The following ZNF407 variants were observed in gnomAD, a reference collection of about 807,000 sequenced individuals.
The protein encoded by ZNF407 is zinc finger protein 407.
ZNF407 carries 17 observed loss-of-function variants against 131.2 expected under a neutral mutation model. The observed-to-expected ratio is 0.13, with a 90% CI of 0.09 to 0.19. The LOEUF (loss-of-function observed/expected upper bound fraction) is 0.19, where lower values mean the gene tolerates loss of function less well. ZNF407 is among the 10% of genes least tolerant of loss of function. The pLI is 1.00. For synonymous variants in ZNF407, 1,156 were observed against 1,062.0 expected (o/e 1.09, Z -1.72); for missense variants, 2,681 against 2,830.6 (o/e 0.95, Z 1.20).
intron 8 of ZNF407, chr18:75,062,661 T>A (rs925472360): frequency 6.6e-6 from 1 of 152,502 alleles, no homozygotes; most frequent in Non-Finnish European, 1.5e-5. Flanking sequence ...AAATTTAATA[T>A]GCAAGGCTTT....
At chr18:74,811,826 A>G (rs1970200239) in intron 4 of ZNF407, among the ~76,000 whole-genome samples, 1 of 150,470 alleles carries the variant, frequency 6.6e-6, no homozygotes, top group South Asian at 2.1e-4. Flanking sequence ...CTGAACAATG[A>G]GAACACATGG....
At chr18:74,946,410 A>G (rs1337089086) in intron 8 of ZNF407, among the ~76,000 whole-genome samples, 1 of 152,176 alleles carries the variant, frequency 6.6e-6, no homozygotes, top group African/African-American at 2.4e-5. Flanking sequence ...GTGCTTTGAG[A>G]TACTCTGTTT....
At position 74,926,069 on chromosome 18, in the gene ZNF407, C is replaced by T. The variant is rs1395215899; in HGVS notation, c.5428+5377C>T. On this transcript the variant is annotated intron_variant, in intron 8 of 8. Transcript: ENST00000299687. Reference sequence around the variant, plus strand: ...AATTTGATTCTTTAACCTCAGACATCATCCTTGGGTTAATTTACTATTTTT... The same window carrying T: ...AATTTGATTCTTTAACCTCAGACATTATCCTTGGGTTAATTTACTATTTTT... Among the ~76,000 whole-genome samples the T allele has an allele frequency of 2.0e-5, 3 of 152,194 alleles. No homozygotes were observed. The East Asian group carries it at 5.8e-4, about 29-fold the overall frequency.
At chr18:74,709,150 A>G (rs966299767) in intron 3 of ZNF407, among the ~76,000 whole-genome samples, 2 of 152,244 alleles carry the variant, frequency 1.3e-5, no homozygotes, top group African/African-American at 4.8e-5. Flanking sequence ...TTCCAGTAAA[A>G]CAAATAAAAT....
intron 6 of ZNF407, among the ~76,000 whole-genome samples, chr18:74,886,321 A>C (rs1971308409): frequency 6.6e-6 from 1 of 152,198 alleles, no homozygotes; most frequent in Admixed American, 6.5e-5. Flanking sequence ...AAAATGCTCA[A>C]ACAACTTTGT....
intron 4 of ZNF407, among the ~76,000 whole-genome samples, chr18:74,865,538 A>G (rs938058516): frequency 1.3e-5 from 2 of 152,196 alleles, no homozygotes; most frequent in African/African-American, 4.8e-5. Flanking sequence ...GCACTTAATA[A>G]TATTATAAAG....
chr18:74,667,064 C>G (rs1985959057), intron 3 of ZNF407, among the ~76,000 whole-genome samples: 1 of 152,200 alleles, frequency 6.6e-6, no homozygotes, highest in South Asian at 2.1e-4. Context: ...CTTTGTCCAT[C>G]ACATCTTGTC....
intron 3 of ZNF407, among the ~76,000 whole-genome samples, chr18:74,732,531 G>A (rs1289079370): frequency 3.3e-5 from 5 of 152,174 alleles, no homozygotes; most frequent in Non-Finnish European, 5.9e-5. Flanking sequence ...AGTAAAGGAA[G>A]GGCATGGATG....
intron 8 of ZNF407, among the ~76,000 whole-genome samples, chr18:74,957,967 A>G (rs1486770841): frequency 2.0e-5 from 3 of 152,306 alleles, no homozygotes; most frequent in South Asian, 4.1e-4. Context: ...AGAGGGACAC[A>G]TGTTTTAAGA....
At chr18:74,836,784 TATC>T (rs1192661579) in intron 4 of ZNF407, among the ~76,000 whole-genome samples, 1 of 152,258 alleles carries the variant, frequency 6.6e-6, no homozygotes, top group African/African-American at 2.4e-5. Context: ...GTGAGTTAGA[TATC>T]ATTGTCATCA....
intron 4 of ZNF407, among the ~76,000 whole-genome samples, chr18:74,876,295 T>G (rs1971155116): frequency 6.6e-6 from 1 of 152,226 alleles, no homozygotes; most frequent in Non-Finnish European, 1.5e-5. Context: ...TTATTGAGTT[T>G]TACTTTGCTT....
Position 75,012,354 on chromosome 18 carries a change from T to C in ZNF407, c.5429-50796T>C, listed in dbSNP as rs555433508. The stretch of plus-strand genomic sequence containing the variant: ...TATGTACACATAGTGTATGTACACA[T>C]AGTGTATGTACACATAGTGTATGTA... On this transcript the variant is annotated intron_variant, in intron 8 of 8. Transcript: ENST00000299687. 4.3e-3 allele frequency among the ~76,000 whole-genome samples: 420 copies of C among 97,508 alleles called. 15 individuals carry two copies. The highest frequency in any genetic ancestry group is 0.014 in the African/African-American group (386 of 26,722). The allele number at this position is 97,508 out of a possible 152,430, so 64.0% of individuals were successfully genotyped here. A position where few individuals can be genotyped will look rare whatever the true frequency, so the allele number is the denominator to read the frequency against.
chr18:74,647,404 A>G (rs1249418291), intron 3 of ZNF407, among the ~76,000 whole-genome samples: 1 of 152,184 alleles, frequency 6.6e-6, no homozygotes, highest in Non-Finnish European at 1.5e-5. Flanking sequence ...TGATGGTGCC[A>G]CTGCCCTCCA....
chr18:74,668,164 C>T (rs1568155781), intron 3 of ZNF407, among the ~76,000 whole-genome samples: 1 of 152,136 alleles, frequency 6.6e-6, no homozygotes, highest in East Asian at 1.9e-4. Context: ...CACCTAACTT[C>T]GCTGGACTGG....
intron 4 of ZNF407, among the ~76,000 whole-genome samples, chr18:74,829,082 T>A (rs772295421): frequency 6.6e-6 from 1 of 152,222 alleles, no homozygotes; most frequent in African/African-American, 2.4e-5. Context: ...ATGGGAAAAT[T>A]CTTCATGTCC....
intron 3 of ZNF407, among the ~76,000 whole-genome samples, chr18:74,749,977 G>A (rs1402629836): frequency 6.6e-6 from 1 of 152,110 alleles, no homozygotes; most frequent in African/African-American, 2.4e-5. Flanking sequence ...AAATTCACTG[G>A]ACAAAGTATG....
intron 3 of ZNF407, among the ~76,000 whole-genome samples, chr18:74,718,834 T>C (rs1159381816): frequency 6.6e-6 from 1 of 152,224 alleles, no homozygotes; most frequent in Non-Finnish European, 1.5e-5. Context: ...TCGTATCTCC[T>C]ATGAAAGGAA....
At chr18:75,004,746 C>T (rs554947341) in intron 8 of ZNF407, among the ~76,000 whole-genome samples, 2 of 152,260 alleles carry the variant, frequency 1.3e-5, no homozygotes, top group African/African-American at 2.4e-5. Context: ...TTTCTTCAGC[C>T]GTCATCAACC....
intron 3 of ZNF407, among the ~76,000 whole-genome samples, chr18:74,647,550 G>A (rs1033360322): frequency 2.0e-5 from 3 of 151,996 alleles, no homozygotes; most frequent in African/African-American, 4.8e-5. Flanking sequence ...TGCCTGTTCC[G>A]TATTTTTTTT....
Sources: gnomAD v4.1 joint callset for allele counts (sites outside exome capture counted in the v4.1 genomes callset) on GRCh38, gnomAD v4.1.1 for gene constraint, MANE v1.5 for transcripts, NCBI Gene and HGNC (gene_info 2026-07-23, HGNC 2026-07-21) for gene names.